Variants in TENM4 observed in about 807,000 individuals in gnomAD.
The protein encoded by TENM4 is teneurin-4.
Under a neutral mutation model 243.3 loss-of-function variants are expected in TENM4, and 82 were observed. The ratio of observed to expected loss-of-function variants is 0.34; its 90% confidence interval spans 0.28 to 0.40. The LOEUF (loss-of-function observed/expected upper bound fraction) is 0.40. Ranked by LOEUF, TENM4 falls within the 10% of genes least tolerant of loss-of-function variation. The pLI is 1.00. For synonymous variants in TENM4, 1,412 were observed against 1,456.3 expected, an observed-to-expected ratio of 0.97 and a Z score of 0.69; for missense variants, 3,138 against 3,673.3, an observed-to-expected ratio of 0.85 and a Z score of 3.77.
At chr11:78,787,308 C>A (rs1412048365) in intron 15 of TENM4, among the ~76,000 whole-genome samples, 1 of 152,202 alleles carries the variant, frequency 6.6e-6, no homozygotes, top group African/African-American at 2.4e-5. Context: ...GAGAACAATT[C>A]TCTGGGCAGA....
intron 16 of TENM4, among the ~76,000 whole-genome samples, chr11:78,779,014 G>A (rs778533258): frequency 3.3e-5 from 5 of 152,226 alleles, no homozygotes; most frequent in Non-Finnish European, 7.3e-5. Flanking sequence ...TGACTACTCA[G>A]AGCAGCATCC....
At chr11:78,706,223 T>C (rs1486210670) in intron 27 of TENM4, among the ~76,000 whole-genome samples, 1 of 152,198 alleles carries the variant, frequency 6.6e-6, no homozygotes, top group African/African-American at 2.4e-5. Context: ...TAAGTTCTTA[T>C]TTTGGATCCT....
chr11:78,979,830 T>C (rs981326177), intron 6 of TENM4, among the ~76,000 whole-genome samples: 7 of 152,158 alleles, frequency 4.6e-5, no homozygotes, highest in Non-Finnish European at 8.8e-5. Context: ...CCATCATCAG[T>C]TATCAACTTG....
At chr11:79,112,972 T>G (rs1472033449) in intron 4 of TENM4, among the ~76,000 whole-genome samples, 5 of 152,148 alleles carry the variant, frequency 3.3e-5, no homozygotes, top group African/African-American at 1.2e-4. Context: ...TAACTTGTCC[T>G]AGGAGGAAGA....
chr11:79,265,554 AT>A (rs1265918812), intron 2 of TENM4, among the ~76,000 whole-genome samples: 1 of 152,024 alleles, frequency 6.6e-6, no homozygotes, highest in Admixed American at 6.6e-5. Flanking sequence ...GTTTCTGTTC[AT>A]TTTTTTAAAT....
chr11:78,966,572 T>C (rs1857441485), intron 6 of TENM4, among the ~76,000 whole-genome samples: 1 of 151,884 alleles, frequency 6.6e-6, no homozygotes, highest in Admixed American at 6.6e-5. Context: ...AGGGCAGAGG[T>C]AGGACCTGTC....
intron 6 of TENM4, among the ~76,000 whole-genome samples, chr11:79,061,842 G>T (rs1278502338): frequency 6.6e-6 from 1 of 152,112 alleles, no homozygotes; most frequent in Non-Finnish European, 1.5e-5. Context: ...CTGGGCTGCG[G>T]TTTCCTTACT....
chr11:79,258,253 A>T (rs1855734143), intron 2 of TENM4, among the ~76,000 whole-genome samples: 1 of 152,204 alleles, frequency 6.6e-6, no homozygotes, highest in Admixed American at 6.5e-5. Context: ...TGTAAAATGG[A>T]GACAACTACA....
intron 6 of TENM4, among the ~76,000 whole-genome samples, chr11:79,036,384 G>T (rs1235812071): frequency 1.3e-5 from 2 of 152,178 alleles, no homozygotes; most frequent in African/African-American, 2.4e-5. Context: ...TCAAGATTTG[G>T]GATAGCTGGT....
At chr11:78,934,000 C>T (rs1856727587) in intron 6 of TENM4, among the ~76,000 whole-genome samples, 1 of 152,098 alleles carries the variant, frequency 6.6e-6, no homozygotes, top group South Asian at 2.1e-4. Flanking sequence ...CACAAGGGTG[C>T]ACTGGGAATT....
chr11:78,854,354 C>T (rs1481650756), intron 11 of TENM4, 40 bp from the exon 12 acceptor site: 10 of 1,442,710 alleles, frequency 6.9e-6, no homozygotes, highest in Non-Finnish European at 8.2e-6. Context: ...TGGGTCTGTT[C>T]CACCACGCAC....
At chr11:79,168,936 C>T (rs1022150987) in intron 3 of TENM4, among the ~76,000 whole-genome samples, 1 of 152,214 alleles carries the variant, frequency 6.6e-6, no homozygotes, top group Non-Finnish European at 1.5e-5. Flanking sequence ...AGACACATGG[C>T]CCAGTCTACC....
At chr11:79,311,018 T>C (rs932439933) in intron 1 of TENM4, among the ~76,000 whole-genome samples, 12 of 152,172 alleles carry the variant, frequency 7.9e-5, no homozygotes, top group Non-Finnish European at 1.6e-4. Flanking sequence ...GAGATGAAAG[T>C]CTTCAGGTTA....
intron 2 of TENM4, among the ~76,000 whole-genome samples, chr11:79,216,231 C>A (rs1864048844): frequency 6.6e-6 from 1 of 152,190 alleles, no homozygotes; most frequent in Non-Finnish European, 1.5e-5. Flanking sequence ...CTGAAGCTTG[C>A]AGGACAGGGA....
At chr11:79,044,500 G>T (rs908629493) in intron 6 of TENM4, among the ~76,000 whole-genome samples, 1 of 152,168 alleles carries the variant, frequency 6.6e-6, no homozygotes, top group Non-Finnish European at 1.5e-5. Flanking sequence ...CTTAGCCAAG[G>T]TCTGTTTTGC....
chr11:78,871,903 C>T (rs144975124), intron 9 of TENM4, among the ~76,000 whole-genome samples: 65 of 152,288 alleles, frequency 4.3e-4, no homozygotes, highest in African/African-American at 1.4e-3. Flanking sequence ...AAAGAAACAA[C>T]AGCTCCTACT....
intron 1 of TENM4, among the ~76,000 whole-genome samples, chr11:79,349,756 C>G (rs1473601750): frequency 6.6e-6 from 1 of 152,158 alleles, no homozygotes; most frequent in Non-Finnish European, 1.5e-5. Context: ...AAAGCTCTCT[C>G]TGGAATGCAA....
intron 3 of TENM4, among the ~76,000 whole-genome samples, chr11:79,168,872 A>G (rs1422168272): frequency 6.6e-6 from 1 of 152,106 alleles, no homozygotes; most frequent in African/African-American, 2.4e-5. Flanking sequence ...TTCTCTTGGA[A>G]CTTTGCTCAG....
chr11:78,676,536 A>G (rs1230242715), intron 29 of TENM4, 149 bp from the exon 30 acceptor site: 7 of 507,052 alleles, frequency 1.4e-5, no homozygotes, highest in Non-Finnish European at 2.3e-5. Flanking sequence ...AGGAAAATAC[A>G]TGGAGAAGAC....
Sources: allele counts gnomAD v4.1 joint callset (sites outside exome capture counted in the v4.1 genomes callset), GRCh38; gene constraint gnomAD v4.1.1; transcripts MANE v1.5; gene names NCBI Gene and HGNC (gene_info 2026-07-23, HGNC 2026-07-21).